RPIA: variants seen among roughly 807,000 people sequenced by gnomAD.
RPIA encodes ribose 5-phosphate isomerase A.
In RPIA, 29 loss-of-function variants were observed where a neutral mutation model predicts 37.8. The observed-to-expected ratio is 0.77, with a 90% confidence interval of 0.57 to 1.05. The LOEUF is 1.05. RPIA is among the 50% of genes least tolerant of loss of function. RPIA has a pLI of 0.00. For missense variants in RPIA, 385 were observed against 413.6 expected, an observed-to-expected ratio of 0.93 and a Z score of 0.60; for synonymous variants, 167 against 157.0, an observed-to-expected ratio of 1.06 and a Z score of -0.48.
At chr2:88,713,935 A>C (rs886905573) in intron 3 of RPIA, among the ~76,000 whole-genome samples, 4 of 140,790 alleles carry the variant, frequency 2.8e-5, no homozygotes, top group Non-Finnish European at 6.2e-5. Context: ...CAATTTCTTC[A>C]CTGAGGATGT....
intron 1 of RPIA, among the ~76,000 whole-genome samples, chr2:88,696,961 A>G (rs555518609): frequency 1.1e-4 from 17 of 152,370 alleles, no homozygotes; most frequent in Non-Finnish European, 1.9e-4. Flanking sequence ...TGTTCAAAGC[A>G]TAACAGGAGA....
At chr2:88,701,040 T>C (rs1475406302) in intron 3 of RPIA, among the ~76,000 whole-genome samples, 1 of 152,150 alleles carries the variant, frequency 6.6e-6, no homozygotes, top group Non-Finnish European at 1.5e-5. Context: ...CAACCAGCTC[T>C]GGTGAAGGGA....
chr2:88,714,227 G>A (rs1239406677), intron 3 of RPIA, among the ~76,000 whole-genome samples: 1 of 151,976 alleles, frequency 6.6e-6, no homozygotes. Flanking sequence ...ATGGAGTGCA[G>A]TGGCGCGATC....
intron 3 of RPIA, among the ~76,000 whole-genome samples, chr2:88,703,337 A>G (rs533172438): frequency 1.4e-4 from 22 of 152,348 alleles, no homozygotes; most frequent in African/African-American, 5.3e-4. Flanking sequence ...CTGCCCTAGC[A>G]GAAGTTCTCC....
chr2:88,747,910 G>A (rs2104152872), intron 8 of RPIA, among the ~76,000 whole-genome samples: 1 of 152,298 alleles, frequency 6.6e-6, no homozygotes. Context: ...GGTGGTTCTT[G>A]GAGCAAAAGT....
At chr2:88,692,693 A>G (rs558442912) in intron 1 of RPIA, among the ~76,000 whole-genome samples, 37 of 152,286 alleles carry the variant, frequency 2.4e-4, no homozygotes, top group African/African-American at 8.2e-4. Context: ...AAGTATCTTA[A>G]TTATAATAAG....
intron 3 of RPIA, among the ~76,000 whole-genome samples, chr2:88,716,340 C>A (rs1673036630): frequency 6.6e-6 from 1 of 152,208 alleles, no homozygotes; most frequent in Non-Finnish European, 1.5e-5. Flanking sequence ...CGTGTAAAAG[C>A]AAGCTGTACC....
intron 8 of RPIA, among the ~76,000 whole-genome samples, chr2:88,749,085 G>A (rs1187882308): frequency 1.3e-5 from 2 of 152,202 alleles, no homozygotes; most frequent in Non-Finnish European, 2.9e-5. Flanking sequence ...TAGCTAATAG[G>A]AAAAGTGCCA....
At chr2:88,713,474 T>A (rs1445852381) in intron 3 of RPIA, among the ~76,000 whole-genome samples, 1 of 152,182 alleles carries the variant, frequency 6.6e-6, no homozygotes, top group Non-Finnish European at 1.5e-5. Context: ...CCTTCTGATT[T>A]GTGATCCTTT....
intron 3 of RPIA, among the ~76,000 whole-genome samples, chr2:88,706,914 G>C (rs2104086436): frequency 6.6e-6 from 1 of 152,304 alleles, no homozygotes; most frequent in South Asian, 2.1e-4. Flanking sequence ...TATATGTCTA[G>C]TTATTATCTA....
intron 3 of RPIA, among the ~76,000 whole-genome samples, chr2:88,716,904 G>C (rs988282755): frequency 2.0e-5 from 3 of 152,200 alleles, no homozygotes; most frequent in African/African-American, 7.2e-5. Flanking sequence ...CCAAAGATCA[G>C]AGGAAACTCT....
At chr2:88,741,182 C>A (rs1673377502) in intron 8 of RPIA, among the ~76,000 whole-genome samples, 1 of 152,148 alleles carries the variant, frequency 6.6e-6, no homozygotes, top group East Asian at 1.9e-4. Flanking sequence ...ACACTGTACC[C>A]AATGCATAGT....
chr2:88,729,218 G>T (rs540395081), intron 3 of RPIA, 60 bp from the exon 4 acceptor site: 85 of 1,558,178 alleles, frequency 5.5e-5, no homozygotes, highest in Admixed American at 3.4e-4. Context: ...GAAGAATTCT[G>T]AGAATCCTTG....
chr2:88,736,489 T>A (rs375606538), intron 6 of RPIA, 46 bp from the exon 7 acceptor site: 36 of 1,610,470 alleles, frequency 2.2e-5, no homozygotes, highest in Non-Finnish European at 2.9e-5. Context: ...GCCTGTACTG[T>A]TGAGCTTATT....
chr2:88,695,459 A>G (rs766699467), intron 1 of RPIA, among the ~76,000 whole-genome samples: 6 of 152,238 alleles, frequency 3.9e-5, no homozygotes, highest in Non-Finnish European at 8.8e-5. Context: ...ATCCCCATAC[A>G]TTTGATCACA....
intron 3 of RPIA, among the ~76,000 whole-genome samples, chr2:88,705,322 A>T (rs1330789469): frequency 2.6e-5 from 4 of 152,216 alleles, no homozygotes; most frequent in African/African-American, 9.6e-5. Context: ...AACTATAGTA[A>T]CCAAAACAAT....
chr2:88,742,912 G>A (rs139759469), intron 8 of RPIA, among the ~76,000 whole-genome samples: 4,109 of 152,144 alleles, frequency 0.027, 83 homozygotes, highest in Middle Eastern at 0.061. Flanking sequence ...GAAACTTTAC[G>A]GAATTCATTT....
chr2:88,735,781 G>A (rs751224853), intron 6 of RPIA, 44 bp downstream of exon 6: 2 of 1,580,948 alleles, frequency 1.3e-6, no homozygotes, highest in South Asian at 2.2e-5. Flanking sequence ...GAGGTAGATT[G>A]GATCCCCAAG....
intron 8 of RPIA, among the ~76,000 whole-genome samples, chr2:88,742,436 G>A (rs1404322473): frequency 6.6e-6 from 1 of 152,146 alleles, no homozygotes. Flanking sequence ...GTACCATGCT[G>A]TTTGGTGACC....
Sources: gnomAD v4.1 joint callset for allele counts (sites outside exome capture counted in the v4.1 genomes callset) on GRCh38, gnomAD v4.1.1 for gene constraint, MANE v1.5 for transcripts, NCBI Gene and HGNC (gene_info 2026-07-23, HGNC 2026-07-21) for gene names.